Variants in MAF observed in about 807,000 individuals in gnomAD.
MAF encodes MAF bZIP transcription factor.
A neutral mutation model predicts 22.0 loss-of-function variants in MAF; 10 were observed. The ratio of observed to expected loss-of-function variants is 0.45; its 90% CI spans 0.28 to 0.77. The LOEUF (loss-of-function observed/expected upper bound fraction) is 0.77, where lower values mean the gene tolerates loss of function less well. MAF is among the 30% of genes least tolerant of loss of function. The pLI is 0.12. For synonymous variants in MAF, 337 were observed against 255.8 expected, an observed-to-expected ratio of 1.32 and a Z score of -3.03; for missense variants, 544 against 548.4, an observed-to-expected ratio of 0.99 and a Z score of 0.08.
chr16:79,233,991 C>CAA, the MAF span, among the ~76,000 whole-genome samples: 553 of 125,678 alleles, frequency 4.4e-3, 4 homozygotes, highest in African/African-American at 0.014. Context: ...GACTCCATCG[C>CAA]AAAAAAAAAA....
chr16:79,495,193 G>A, the MAF span, among the ~76,000 whole-genome samples: 1 of 152,166 alleles, frequency 6.6e-6, no homozygotes, highest in Non-Finnish European at 1.5e-5. Flanking sequence ...CAAACTCGGT[G>A]GCTCATGCCT....
At chr16:79,530,765 A>T in the MAF span, among the ~76,000 whole-genome samples, 1 of 152,206 alleles carries the variant, frequency 6.6e-6, no homozygotes, top group Non-Finnish European at 1.5e-5. Context: ...ATTGTGGTTT[A>T]TTGTATCCTT....
At position 79,599,080 on chromosome 16, in the gene MAF, TCAGC is replaced by T; in HGVS notation, c.819_822del (p.Leu274ThrfsTer12). 1 of 1,609,784 alleles carries T rather than the reference TCAGC, an allele frequency of 6.2e-7. No homozygotes were observed. Among genetic ancestry groups the T allele is most frequent in the Admixed American group, 1.7e-5 (1 of 59,930 alleles). ...TTGCTGACCCCGCGCAGCTGCCGGT[TCAGC>T]TCGCGCACAGACATGGTCACCAGCT... On this transcript the variant is annotated frameshift_variant, in exon 1 of 2. Transcript: ENST00000326043. LOFTEE classifies it high-confidence loss of function.
the MAF span, among the ~76,000 whole-genome samples, chr16:79,275,140 G>C: frequency 1.3e-5 from 2 of 152,220 alleles, no homozygotes; most frequent in Non-Finnish European, 2.9e-5. Flanking sequence ...TGGATCACTT[G>C]AGATCAGGAG....
the MAF span, among the ~76,000 whole-genome samples, chr16:79,500,914 T>C: frequency 6.6e-6 from 1 of 152,114 alleles, no homozygotes; most frequent in Admixed American, 6.5e-5. Context: ...GTTTCTCTGT[T>C]AGGGAAAATT....
At chr16:79,386,069 T>C in the MAF span, among the ~76,000 whole-genome samples, 3 of 152,162 alleles carry the variant, frequency 2.0e-5, no homozygotes, top group African/African-American at 7.2e-5. Flanking sequence ...ATCAAGTAGA[T>C]AAATAGGTGT....
At chr16:79,488,901 C>T in the MAF span, among the ~76,000 whole-genome samples, 12 of 152,224 alleles carry the variant, frequency 7.9e-5, no homozygotes, top group South Asian at 2.5e-3. Context: ...AGTGTCATGC[C>T]CTAGGCAAGA....
the MAF span, among the ~76,000 whole-genome samples, chr16:79,287,708 CTCATTCATTTATTCACTCATTCAT>C: frequency 6.6e-6 from 1 of 152,144 alleles, no homozygotes; most frequent in African/African-American, 2.4e-5. Context: ...CTTTCATTCA[CTCATTCATTTATTCACTCATTCAT>C]TCATTCACTC....
downstream of MAF, among the ~76,000 whole-genome samples, chr16:79,581,402 G>C (rs1043700721): frequency 6.6e-6 from 1 of 152,152 alleles, no homozygotes; most frequent in Non-Finnish European, 1.5e-5. Context: ...ACTTTGCAGA[G>C]GGGGGAGTCA....
the MAF span, among the ~76,000 whole-genome samples, chr16:79,285,166 A>G: frequency 6.6e-6 from 1 of 152,116 alleles, no homozygotes; most frequent in Admixed American, 6.5e-5. Flanking sequence ...CTTCATAGGC[A>G]TTTGTCTGCT....
the MAF span, among the ~76,000 whole-genome samples, chr16:79,256,556 G>A: frequency 6.6e-6 from 1 of 152,132 alleles, no homozygotes; most frequent in African/African-American, 2.4e-5. Context: ...CACACCAGGA[G>A]CGTACCTGAG....
At chr16:79,296,088 T>A in the MAF span, among the ~76,000 whole-genome samples, 1 of 152,356 alleles carries the variant, frequency 6.6e-6, no homozygotes, top group East Asian at 1.9e-4. Context: ...CGAAAGCTGA[T>A]TCCAGCATCG....
chr16:79,596,685 T>C, intron 1 of MAF: 1 of 1,038,332 alleles, frequency 9.6e-7, no homozygotes, highest in Non-Finnish European at 1.2e-6. Context: ...TTTTCATTTC[T>C]TTTTAAAGAC....
chr16:79,508,873 G>A, the MAF span, among the ~76,000 whole-genome samples: 2 of 152,148 alleles, frequency 1.3e-5, no homozygotes, highest in Admixed American at 1.3e-4. Context: ...GAGGGAATGG[G>A]GCGTGACTCT....
At chr16:79,404,973 G>A in the MAF span, among the ~76,000 whole-genome samples, 1 of 152,282 alleles carries the variant, frequency 6.6e-6, no homozygotes, top group East Asian at 1.9e-4. Flanking sequence ...TACAGATGCT[G>A]TTGGTTAGTA....
chr16:79,543,670 C>T, the MAF span, among the ~76,000 whole-genome samples: 551 of 144,394 alleles, frequency 3.8e-3, 11 homozygotes, highest in East Asian at 0.047. Flanking sequence ...GCCCTCTTTT[C>T]TTTTTCTTTT....
the MAF span, chr16:79,211,646 C>T: frequency 3.1e-6 from 5 of 1,614,210 alleles, no homozygotes; most frequent in Admixed American, 3.3e-5. Flanking sequence ...GTGCTGCTGT[C>T]CCAGAACTGG....
the MAF span, among the ~76,000 whole-genome samples, chr16:79,346,407 C>T: frequency 1.3e-5 from 2 of 151,876 alleles, no homozygotes; most frequent in African/African-American, 4.8e-5. Context: ...AAAAACAAGG[C>T]CAAGAATTGG....
At chr16:79,469,231 C>T in the MAF span, among the ~76,000 whole-genome samples, 2 of 152,186 alleles carry the variant, frequency 1.3e-5, no homozygotes, top group Non-Finnish European at 2.9e-5. Context: ...GCTTTCATTC[C>T]TCAATGGCAG....
Sources: gnomAD v4.1 joint callset for allele counts (sites outside exome capture counted in the v4.1 genomes callset) on GRCh38, gnomAD v4.1.1 for gene constraint, MANE v1.5 for transcripts, NCBI Gene and HGNC (gene_info 2026-07-23, HGNC 2026-07-21) for gene names.